AASDHPPT: variants seen among roughly 807,000 people sequenced by gnomAD.
The protein encoded by AASDHPPT is aminoadipate-semialdehyde dehydrogenase-phosphopantetheinyl transferase, also known as L-aminoadipate-semialdehyde dehydrogenase-phosphopantetheinyl transferase.
AASDHPPT carries 23 observed loss-of-function variants against 36.4 expected under a neutral mutation model. The ratio of observed to expected loss-of-function variants is 0.63; its 90% CI spans 0.45 to 0.89. The LOEUF (loss-of-function observed/expected upper bound fraction) is 0.89. AASDHPPT is among the 40% of genes least tolerant of loss of function. AASDHPPT has a pLI of 0.00. For missense variants in AASDHPPT, 377 were observed against 378.2 expected (o/e 1.00, Z 0.03); for synonymous variants, 115 against 128.0 (o/e 0.90, Z 0.68).
At chr11:106,085,561 G>A (rs1467060273) in intron 2 of AASDHPPT, among the ~76,000 whole-genome samples, 50 of 152,164 alleles carry the variant, frequency 3.3e-4, no homozygotes, top group Admixed American at 3.3e-3. Flanking sequence ...TGGCAAATTT[G>A]ACAGACAAAG....
chr11:106,095,897 A>C (rs1395873686), intron 5 of AASDHPPT: 1 of 152,216 alleles, frequency 6.6e-6, no homozygotes, highest in Non-Finnish European at 1.5e-5. Context: ...AATTGTTGAA[A>C]CATTTGCATA....
intron 3 of AASDHPPT, among the ~76,000 whole-genome samples, 178 bp from the exon 4 acceptor site, chr11:106,091,138 G>T (rs183943156): frequency 2.6e-5 from 4 of 152,124 alleles, no homozygotes; most frequent in African/African-American, 9.6e-5. Context: ...TAAATGATTT[G>T]CCCTAAGATC....
At chr11:106,085,475 T>C (rs541970123) in intron 2 of AASDHPPT, among the ~76,000 whole-genome samples, 108 of 152,296 alleles carry the variant, frequency 7.1e-4, no homozygotes, top group African/African-American at 2.5e-3. Flanking sequence ...CTTTTGAAGC[T>C]TAAAATAATA....
chr11:106,088,991 A>G (rs1336658983), intron 2 of AASDHPPT, among the ~76,000 whole-genome samples: 1 of 151,998 alleles, frequency 6.6e-6, no homozygotes, highest in East Asian at 1.9e-4. Context: ...TTTTTAATAT[A>G]CTCTACCCTT....
At chr11:106,084,962 T>G (rs1323478143) in intron 2 of AASDHPPT, among the ~76,000 whole-genome samples, 3 of 152,094 alleles carry the variant, frequency 2.0e-5, no homozygotes, top group African/African-American at 7.2e-5. Context: ...CATATTAATG[T>G]TTGGGAAATT....
intron 2 of AASDHPPT, chr11:106,086,079 TG>T (rs1260830817): frequency 6.6e-6 from 1 of 152,258 alleles, no homozygotes; most frequent in Non-Finnish European, 1.5e-5. Flanking sequence ...TGTGTGCTTA[TG>T]TATAATTTAA....
intron 4 of AASDHPPT, chr11:106,093,656 G>A (rs1295841598): frequency 3.9e-5 from 6 of 152,218 alleles, no homozygotes; most frequent in Admixed American, 2.6e-4. Context: ...TCTAATTGTA[G>A]TTTCTTCTGA....
chr11:106,084,539 C>A (rs1005484220), intron 2 of AASDHPPT, among the ~76,000 whole-genome samples: 5 of 152,118 alleles, frequency 3.3e-5, no homozygotes, highest in Non-Finnish European at 7.4e-5. Context: ...CTCAAGTGAT[C>A]TGCCTGCCTC....
In AASDHPPT at chr11:106,097,534, T is replaced by G. The variant is rs1259427856; in HGVS notation, c.*627T>G. 1 of 152,142 alleles carries G rather than the reference T, an allele frequency of 6.6e-6. No individual in the cohort carries two copies. The highest frequency in any genetic ancestry group is 2.4e-5 in the African/African-American group (1 of 41,434). The allele number at this position is 152,142 out of a possible 1,614,324, so 9.4% of individuals were successfully genotyped here. A position where few individuals can be genotyped will look rare whatever the true frequency, so the allele number is the denominator to read the frequency against. ...TTCAGGGGTGTCATTAAAGACACAC[T>G]TTTTTTGCCTTGACCTCAGTTGGTT... On this transcript the variant is annotated 3_prime_UTR_variant, in exon 6 of 6. Coordinates refer to ENST00000278618, the MANE Select transcript of AASDHPPT (RefSeq NM_015423.3).
chr11:106,091,223 T>A (rs1861253416), intron 3 of AASDHPPT, 93 bp from the exon 4 acceptor site: 2 of 1,072,498 alleles, frequency 1.9e-6, no homozygotes, highest in East Asian at 4.9e-5. Context: ...TAATGTAGTA[T>A]AGCATTGAAA....
At chr11:106,078,421 C>T (rs1325393516) in intron 1 of AASDHPPT, among the ~76,000 whole-genome samples, 4 of 152,108 alleles carry the variant, frequency 2.6e-5, no homozygotes, top group Non-Finnish European at 5.9e-5. Flanking sequence ...AGGATACCTT[C>T]CTCACTAGAT....
chr11:106,083,301 C>G (rs1248691032), intron 2 of AASDHPPT, among the ~76,000 whole-genome samples: 2 of 152,098 alleles, frequency 1.3e-5, no homozygotes, highest in African/African-American at 4.8e-5. Flanking sequence ...AAGACTAGTG[C>G]GTAAGTACTA....
chr11:106,080,172 T>A (rs1250906586), intron 2 of AASDHPPT, among the ~76,000 whole-genome samples: 1 of 152,118 alleles, frequency 6.6e-6, no homozygotes, highest in African/African-American at 2.4e-5. Flanking sequence ...CCCCATAGAT[T>A]CTGCATCCAC....
At position 106,077,789 on chromosome 11, in the gene AASDHPPT, C is replaced by A; in HGVS notation, c.79C>A (p.Leu27Met). 1 of 1,614,158 alleles carries A rather than the reference C, an allele frequency of 6.2e-7. No individual in the cohort carries two copies. Among genetic ancestry groups the A allele is most frequent in the Non-Finnish European group, 8.5e-7 (1 of 1,180,006 alleles). ...CTGGGCCTTTTCCTGCGGCACTTGG[C>A]TGCCGAGCCGAGCCGAATGGCTGCT... Reference protein sequence around the residue: ...VRWAFSCGTWLPSRAEWLLAV... With the variant: ...VRWAFSCGTWMPSRAEWLLAV... The change falls in exon 1 of 6, where the codon CTG becomes ATG. Residue 27 changes from leucine to methionine, a missense_variant. Leu to Met is a conservative substitution (Grantham distance 15, BLOSUM62 2). Transcript: ENST00000278618.
Position 106,078,042 on chromosome 11 carries a change from C to A in AASDHPPT, c.183+149C>A. 4.5e-6 allele frequency: 5 copies of A among 1,101,998 alleles called. No homozygotes were observed. The South Asian group carries it at 6.5e-5, about 14-fold the overall frequency. The allele number at this position is 1,101,998 out of a possible 1,614,324, so 68.3% of individuals were successfully genotyped here. A position where few individuals can be genotyped will look rare whatever the true frequency, so the allele number is the denominator to read the frequency against. ...GCCCGGGCGACAGCAGCCGGCGCTG[C>A]GGAGTTGTGGGCGACGCACGGCCTG... On this transcript the variant is annotated intron_variant, in intron 1 of 5. Transcript: ENST00000278618.
intron 4 of AASDHPPT, chr11:106,094,271 G>A (rs2135045457): frequency 5.2e-6 from 1 of 193,402 alleles, no homozygotes; most frequent in Non-Finnish European, 1.0e-5. Context: ...TTAATTCACA[G>A]AATTTGGAAT....
rs1268200416 is a variant in AASDHPPT, at chr11:106,098,442, AT to A, written c.*1537del. 3 of 152,010 alleles carry A rather than the reference AT, an allele frequency of 2.0e-5. No individual in the cohort carries two copies. Among genetic ancestry groups the A allele is most frequent in the African/African-American group, 7.2e-5 (3 of 41,432 alleles). 9.4% of individuals were successfully genotyped at this position (152,010 alleles called of 1,614,324 possible). ...AAGTATCAAGAAGTAAAATAATTTC[AT>A]TGTTTCTGTTACTAACATTAAAAGT... On this transcript the variant is annotated 3_prime_UTR_variant, in exon 6 of 6. Transcript: ENST00000278618.
At chr11:106,090,910 A>G (rs1230012027) in intron 3 of AASDHPPT, among the ~76,000 whole-genome samples, 18 of 152,066 alleles carry the variant, frequency 1.2e-4, no homozygotes, top group Admixed American at 1.2e-3. Flanking sequence ...ACTTAAAGCT[A>G]AAACAAATCA....
chr11:106,091,741 C>T (rs993974577), intron 4 of AASDHPPT: 8 of 275,190 alleles, frequency 2.9e-5, no homozygotes, highest in East Asian at 6.8e-5. Context: ...AACAGCCAAA[C>T]GCAGCCACTT....
Sources: gnomAD v4.1 joint callset for allele counts (sites outside exome capture counted in the v4.1 genomes callset) on GRCh38, gnomAD v4.1.1 for gene constraint, MANE v1.5 for transcripts, NCBI Gene and HGNC (gene_info 2026-07-23, HGNC 2026-07-21) for gene names.